CHRDL1: variants seen among roughly 807,000 people sequenced by gnomAD.
CHRDL1 encodes chordin like 1.
A neutral mutation model predicts 40.9 loss-of-function variants in CHRDL1; 19 were observed. The ratio of observed to expected loss-of-function variants is 0.46; its 90% CI spans 0.32 to 0.68. The LOEUF (loss-of-function observed/expected upper bound fraction) is 0.68, where lower values mean the gene tolerates loss of function less well. CHRDL1 is among the 30% of genes least tolerant of loss of function. The probability of loss-of-function intolerance (pLI) is 0.03; values close to 1 mark genes in which losing one functional copy is unlikely to be tolerated. For synonymous variants in CHRDL1, 136 were observed against 123.4 expected (o/e 1.10, Z -0.68); for missense variants, 329 against 352.1 (o/e 0.93, Z 0.53).
chrX:110,732,980 T>C (rs1389986453), intron 4 of CHRDL1, among the ~76,000 whole-genome samples: 1 of 112,252 alleles, frequency 8.9e-6, no homozygotes, highest in Non-Finnish European at 1.9e-5. Context: ...AAAATGATTA[T>C]GTTTTTCAAA....
chrX:110,731,959 T>C (rs1033773838), intron 4 of CHRDL1, among the ~76,000 whole-genome samples: 4 of 107,268 alleles, frequency 3.7e-5, no homozygotes, highest in Non-Finnish European at 7.7e-5. Flanking sequence ...TTACAGTATG[T>C]AAACCTCAGT....
chrX:110,741,784 T>C (rs1309396268), intron 4 of CHRDL1, among the ~76,000 whole-genome samples: 1 of 111,926 alleles, frequency 8.9e-6, no homozygotes, highest in East Asian at 2.8e-4. Context: ...TCTATCTTAG[T>C]ACCAGATCAC....
chrX:110,686,906 A>G (rs761607542), intron 9 of CHRDL1, among the ~76,000 whole-genome samples: 1 of 107,499 alleles, frequency 9.3e-6, no homozygotes, highest in East Asian at 2.8e-4. Flanking sequence ...AATAAAAAAA[A>G]AAATAAAAAG....
At chrX:110,720,770 C>A (rs1303643151) in intron 5 of CHRDL1, among the ~76,000 whole-genome samples, 2 of 111,489 alleles carry the variant, frequency 1.8e-5, no homozygotes, top group African/African-American at 6.5e-5. Flanking sequence ...CATTTTACTC[C>A]ATTTTCTAGT....
At chrX:110,711,702 A>G (rs1489604860) in intron 6 of CHRDL1, among the ~76,000 whole-genome samples, 8 of 111,970 alleles carry the variant, frequency 7.1e-5, no homozygotes, top group African/African-American at 2.6e-4. Context: ...TTTAAAATCA[A>G]TGAAGTATCT....
intron 7 of CHRDL1, among the ~76,000 whole-genome samples, chrX:110,700,181 G>A (rs1311088796): frequency 4.5e-5 from 5 of 111,894 alleles, no homozygotes; most frequent in Non-Finnish European, 9.4e-5. Context: ...CTGAAGAGAG[G>A]AGAATCCAGA....
intron 3 of CHRDL1, among the ~76,000 whole-genome samples, chrX:110,762,182 T>C (rs965697071): frequency 3.2e-4 from 36 of 112,451 alleles, no homozygotes; most frequent in African/African-American, 1.2e-3. Context: ...TATCTGTCCA[T>C]AGTAAATATT....
Position 110,793,330 on chromosome X carries a change from C to G in CHRDL1, c.-34-1115G>C, listed in dbSNP as rs1424863578. Reference sequence around the variant, plus strand: ...AGTTGCCTGGGTCATTCAAAATCCACTGTTTCAATTATGAATGCATAACCA... The same window carrying G: ...AGTTGCCTGGGTCATTCAAAATCCAGTGTTTCAATTATGAATGCATAACCA... On this transcript the variant is annotated intron_variant, in intron 1 of 11. Coordinates refer to ENST00000372042, the MANE Select transcript of CHRDL1 (RefSeq NM_001143981.2). Among the ~76,000 whole-genome samples the G allele has an allele frequency of 2.7e-5, 3 of 112,338 alleles. No homozygotes were observed. The Admixed American group carries it at 2.8e-4, about 11-fold the overall frequency.
chrX:110,769,735 T>C (rs2089722126), intron 2 of CHRDL1, among the ~76,000 whole-genome samples: 1 of 111,525 alleles, frequency 9.0e-6, no homozygotes, highest in African/African-American at 3.3e-5. Context: ...AACCATCAGA[T>C]CTTGTAAGAC....
intron 9 of CHRDL1, among the ~76,000 whole-genome samples, chrX:110,685,863 C>T (rs1311384258): frequency 9.5e-6 from 1 of 105,185 alleles, no homozygotes. Flanking sequence ...CTTAGGATTC[C>T]TAGAAGTGGA....
intron 8 of CHRDL1, among the ~76,000 whole-genome samples, chrX:110,689,915 A>ATATATCTATATATATCTATATATC (rs2070213980): frequency 4.8e-5 from 1 of 20,761 alleles, no homozygotes; most frequent in Non-Finnish European, 8.0e-5. Flanking sequence ...CTATATATCT[A>ATATATCTATATATATCTATATATC]TATATATCTA....
intron 2 of CHRDL1, among the ~76,000 whole-genome samples, chrX:110,763,972 G>T (rs1349325886): frequency 9.0e-6 from 1 of 111,665 alleles, no homozygotes; most frequent in Non-Finnish European, 1.9e-5. Flanking sequence ...ATTGCATTCT[G>T]GTTTTGATTT....
At chrX:110,784,072 T>C (rs1235419404) in intron 2 of CHRDL1, among the ~76,000 whole-genome samples, 1 of 112,209 alleles carries the variant, frequency 8.9e-6, no homozygotes, top group Non-Finnish European at 1.9e-5. Flanking sequence ...TTTAATTATT[T>C]TTTTCTTTAA....
chrX:110,741,903 G>T (rs780231766), intron 4 of CHRDL1, among the ~76,000 whole-genome samples: 2 of 111,820 alleles, frequency 1.8e-5, no homozygotes, highest in East Asian at 5.6e-4. Context: ...GCCTGGAGGA[G>T]CTATCTGCTT....
intron 4 of CHRDL1, among the ~76,000 whole-genome samples, chrX:110,731,111 T>C (rs2071151840): frequency 9.0e-6 from 1 of 111,340 alleles, no homozygotes; most frequent in Non-Finnish European, 1.9e-5. Flanking sequence ...TAAACTCTCT[T>C]CCTCTCCACC....
At chrX:110,715,625 A>AG (rs1386402600) in intron 6 of CHRDL1, among the ~76,000 whole-genome samples, 12 of 112,019 alleles carry the variant, frequency 1.1e-4, no homozygotes, top group African/African-American at 3.9e-4. Flanking sequence ...CTGGCTTCAG[A>AG]GCCTCTGTCC....
At chrX:110,783,532 G>A (rs774712581) in intron 2 of CHRDL1, among the ~76,000 whole-genome samples, 29 of 112,095 alleles carry the variant, frequency 2.6e-4, no homozygotes, top group African/African-American at 9.1e-4. Flanking sequence ...GAGTTATGCA[G>A]TATAATCAAT....
chrX:110,730,292 T>C (rs776762298), intron 4 of CHRDL1, among the ~76,000 whole-genome samples: 1 of 111,392 alleles, frequency 9.0e-6, no homozygotes, highest in African/African-American at 3.3e-5. Context: ...TTCTGAGCCA[T>C]CACATCCACT....
chrX:110,723,611 CA>C (rs1046549032), intron 4 of CHRDL1, among the ~76,000 whole-genome samples: 69 of 111,195 alleles, frequency 6.2e-4, no homozygotes, highest in African/African-American at 2.3e-3. Context: ...TAACCACTAT[CA>C]AAAAAAGTGC....
Sources: allele counts gnomAD v4.1 joint callset (sites outside exome capture counted in the v4.1 genomes callset), GRCh38; gene constraint gnomAD v4.1.1; transcripts MANE v1.5; gene names NCBI Gene and HGNC (gene_info 2026-07-23, HGNC 2026-07-21).